CLNK: variants seen among roughly 807,000 people sequenced by gnomAD.
CLNK encodes cytokine-dependent hematopoietic cell linker.
CLNK carries 74 observed loss-of-function variants against 68.6 expected under a neutral mutation model. The ratio of observed to expected loss-of-function variants is 1.08; its 90% CI spans 0.89 to 1.31. The LOEUF is 1.31. Among genes scored for constraint, CLNK ranks in the 50% most tolerant of loss-of-function variants. The pLI is 0.00. For synonymous variants in CLNK, 198 were observed against 172.2 expected (o/e 1.15, Z -1.17); for missense variants, 553 against 515.3 (o/e 1.07, Z -0.71).
At chr4:10,529,387 A>T (rs926091848) in intron 12 of CLNK, among the ~76,000 whole-genome samples, 1 of 152,224 alleles carries the variant, frequency 6.6e-6, no homozygotes, top group African/African-American at 2.4e-5. Flanking sequence ...AGATTCCTGC[A>T]GTCATCTGAA....
chr4:10,535,231 G>C (rs537622578), intron 11 of CLNK, among the ~76,000 whole-genome samples: 78 of 99,438 alleles, frequency 7.8e-4, no homozygotes, highest in African/African-American at 2.9e-3. Context: ...AAGAAAGAAA[G>C]AAAGAAAGAA....
intron 11 of CLNK, among the ~76,000 whole-genome samples, chr4:10,539,884 T>G (rs950475784): frequency 7.9e-5 from 12 of 152,394 alleles, no homozygotes; most frequent in African/African-American, 2.4e-4. Flanking sequence ...GATTCTGTTC[T>G]GGCATTTGAC....
chr4:10,664,854 G>A (rs1724328445), intron 2 of CLNK, among the ~76,000 whole-genome samples: 1 of 152,228 alleles, frequency 6.6e-6, no homozygotes, highest in South Asian at 2.1e-4. Context: ...TGTGGTGCCA[G>A]CTTATGCATT....
chr4:10,633,607 G>A (rs1022687873), intron 2 of CLNK, among the ~76,000 whole-genome samples: 3 of 152,300 alleles, frequency 2.0e-5, no homozygotes, highest in Admixed American at 6.5e-5. Flanking sequence ...ACCAATGCTC[G>A]TAGGTGTCTA....
intron 2 of CLNK, among the ~76,000 whole-genome samples, chr4:10,617,311 A>G (rs1722276442): frequency 6.6e-6 from 1 of 152,202 alleles, no homozygotes; most frequent in African/African-American, 2.4e-5. Context: ...TATTGTTTAT[A>G]GCTGGAGATA....
intron 2 of CLNK, among the ~76,000 whole-genome samples, chr4:10,616,790 G>GTGTATATATATATATA (rs1369047138): frequency 3.1e-5 from 2 of 64,352 alleles, no homozygotes; most frequent in African/African-American, 8.4e-5. Context: ...GTGTGTGTGT[G>GTGTATATATATATATA]TATATATATA....
chr4:10,676,677 G>T (rs931484461), intron 1 of CLNK, among the ~76,000 whole-genome samples: 8 of 151,876 alleles, frequency 5.3e-5, no homozygotes, highest in Non-Finnish European at 1.2e-4. Flanking sequence ...TGCAGAAAGG[G>T]TTTCCTTCCT....
chr4:10,726,102 G>T, the CLNK span, among the ~76,000 whole-genome samples: 7 of 152,072 alleles, frequency 4.6e-5, no homozygotes, highest in Non-Finnish European at 1.0e-4. Context: ...GGGGTTTCTG[G>T]CAATCTTTGA....
At chr4:10,601,393 G>C (rs1981635) in intron 2 of CLNK, among the ~76,000 whole-genome samples, 104,046 of 152,100 alleles carry the variant, frequency 0.68, 36,487 homozygotes, top group East Asian at 0.77. Context: ...GGAAAATAAA[G>C]AGCCATCTAC....
intron 2 of CLNK, among the ~76,000 whole-genome samples, chr4:10,608,666 G>A (rs1721878614): frequency 6.6e-6 from 1 of 152,122 alleles, no homozygotes; most frequent in South Asian, 2.1e-4. Flanking sequence ...GTTGAAATCG[G>A]GAAGAAAACC....
the CLNK span, among the ~76,000 whole-genome samples, chr4:10,720,005 T>G: frequency 1.3e-5 from 2 of 151,242 alleles, no homozygotes; most frequent in Admixed American, 1.3e-4. Context: ...ATTCATTGAG[T>G]TGAATGAAAA....
Position 10,572,170 on chromosome 4 carries a change from C to A in CLNK, c.113-392G>T, listed in dbSNP as rs142105862. Among the ~76,000 whole-genome samples, 11 of 152,232 alleles carry A rather than the reference C, an allele frequency of 7.2e-5. No individual in the cohort carries two copies. In the East Asian group the frequency reaches 7.7e-4, roughly 11 times the overall value. On this transcript the variant is annotated intron_variant, in intron 4 of 18. Coordinates refer to ENST00000226951, the MANE Select transcript of CLNK (RefSeq NM_052964.4). ...AGTTTTATTTTCCCTTCTCTTCCCC[C>A]ACAAGGCACAGCATGTTGCAATTGC...
intron 4 of CLNK, among the ~76,000 whole-genome samples, chr4:10,576,728 C>T (rs1315180388): frequency 6.6e-6 from 1 of 152,228 alleles, no homozygotes; most frequent in African/African-American, 2.4e-5. Context: ...ACCTGAGCCC[C>T]AGAGCAAACC....
rs544343959 is a variant in CLNK at position 10,511,090 on chromosome 4, G to A, written c.906+2374C>T. ...ATCACTTGAAGCCGGGAGGTGGGGC[G>A]GGGGTTGCAGTGAACTGAGATTGCC... On this transcript the variant is annotated intron_variant, in intron 16 of 18. Transcript: ENST00000226951. Among the ~76,000 whole-genome samples, 438 of 152,244 alleles carry A rather than the reference G, an allele frequency of 2.9e-3. 1 individual carries two copies. The highest frequency in any genetic ancestry group is 9.7e-3 in the African/African-American group (403 of 41,550).
intron 4 of CLNK, among the ~76,000 whole-genome samples, chr4:10,577,786 A>G (rs1266031245): frequency 1.3e-5 from 2 of 152,090 alleles, no homozygotes; most frequent in Non-Finnish European, 2.9e-5. Context: ...TACATAAGAA[A>G]AAAAAAAAAT....
At chr4:10,667,709 A>G (rs1724454277) in intron 2 of CLNK, 150 bp downstream of exon 2, 1 of 261,204 alleles carries the variant, frequency 3.8e-6, no homozygotes, top group Non-Finnish European at 6.3e-6. Flanking sequence ...CTGAACACCA[A>G]AGCCCACAAT....
chr4:10,669,654 C>T (rs560020965), intron 1 of CLNK, among the ~76,000 whole-genome samples: 23 of 152,292 alleles, frequency 1.5e-4, no homozygotes, highest in African/African-American at 5.1e-4. Flanking sequence ...TGAACTTCAA[C>T]TGTGTGATCT....
At chr4:10,528,049 G>A (rs1477576354) in intron 13 of CLNK, 27 bp downstream of exon 13, 3 of 1,292,926 alleles carry the variant, frequency 2.3e-6, no homozygotes, top group South Asian at 1.9e-5. Context: ...TAGTATTAGG[G>A]TAAGAAAACA....
At chr4:10,723,172 A>G in the CLNK span, among the ~76,000 whole-genome samples, 653 of 152,282 alleles carry the variant, frequency 4.3e-3, 6 homozygotes, top group African/African-American at 0.015. Context: ...AATGAAGAGG[A>G]TGTTTCCTGT....
Sources: gnomAD v4.1 joint callset for allele counts (sites outside exome capture counted in the v4.1 genomes callset) on GRCh38, gnomAD v4.1.1 for gene constraint, MANE v1.5 for transcripts, NCBI Gene and HGNC (gene_info 2026-07-23, HGNC 2026-07-21) for gene names.